LRSAM1: variants seen among roughly 807,000 people sequenced by gnomAD.
LRSAM1 encodes leucine rich repeat and sterile alpha motif containing 1.
Under a neutral mutation model 118.1 loss-of-function variants are expected in LRSAM1, and 96 were observed. The ratio of observed to expected loss-of-function variants is 0.81; its 90% CI spans 0.69 to 0.96. The LOEUF (loss-of-function observed/expected upper bound fraction) is 0.96, where lower values mean the gene tolerates loss of function less well. Ranked by LOEUF, LRSAM1 falls within the 40% of genes least tolerant of loss-of-function variation. The pLI is 0.00. For synonymous variants in LRSAM1, 322 were observed against 364.2 expected, an observed-to-expected ratio of 0.88 and a Z score of 1.32; for missense variants, 804 against 915.5, an observed-to-expected ratio of 0.88 and a Z score of 1.57.
chr9:127,468,810 CAA>C (rs1185949155), intron 10 of LRSAM1, among the ~76,000 whole-genome samples: 4 of 16,444 alleles, frequency 2.4e-4, no homozygotes, highest in African/African-American at 7.0e-4. Context: ...CCTGTCTCTA[CAA>C]AAAAAAAAAA....
At chr9:127,472,001 G>A (rs144394245) in intron 10 of LRSAM1, among the ~76,000 whole-genome samples, 403 of 150,674 alleles carry the variant, frequency 2.7e-3, no homozygotes, top group African/African-American at 8.9e-3. Context: ...TCTCACTGTC[G>A]CCCAGGCTGG....
chr9:127,453,050 TA>T (rs1434034521), intron 2 of LRSAM1, among the ~76,000 whole-genome samples: 2 of 152,216 alleles, frequency 1.3e-5, no homozygotes, highest in African/African-American at 4.8e-5. Context: ...CCACTGAACT[TA>T]ATAAGCATCT....
At chr9:127,477,352 CTA>C (rs1046807041) in intron 11 of LRSAM1, among the ~76,000 whole-genome samples, 1 of 152,114 alleles carries the variant, frequency 6.6e-6, no homozygotes, top group Non-Finnish European at 1.5e-5. Context: ...AATTATATTC[CTA>C]CCATTAGTAT....
chr9:127,477,871 A>G (rs2132058175), intron 11 of LRSAM1, among the ~76,000 whole-genome samples: 1 of 152,172 alleles, frequency 6.6e-6, no homozygotes, highest in South Asian at 2.1e-4. Context: ...AATATGGTGA[A>G]ACCCTGTCTC....
intron 9 of LRSAM1, among the ~76,000 whole-genome samples, chr9:127,463,348 G>A (rs2132017488): frequency 6.6e-6 from 1 of 152,196 alleles, no homozygotes; most frequent in South Asian, 2.1e-4. Flanking sequence ...GTGATATGGG[G>A]CCCAGAAAGC....
chr9:127,496,245 C>G (rs541954009), intron 23 of LRSAM1, 150 bp downstream of exon 23: 5 of 1,164,480 alleles, frequency 4.3e-6, no homozygotes, highest in Non-Finnish European at 6.0e-6. Context: ...GGCCAGAACA[C>G]CTGCCCATCT....
intron 13 of LRSAM1, 147 bp downstream of exon 13, chr9:127,479,652 C>T (rs1315952080): frequency 8.0e-6 from 11 of 1,373,374 alleles, no homozygotes; most frequent in East Asian, 2.5e-5. Context: ...AGGGCCCTTA[C>T]AGATCACCCA....
chr9:127,495,841 G>C, intron 22 of LRSAM1, 123 bp from the exon 23 acceptor site: 1 of 1,442,498 alleles, frequency 6.9e-7, no homozygotes, highest in African/African-American at 1.4e-5. Context: ...ATGAGTTTTT[G>C]TAGGAAAAAT....
Position 127,485,843 on chromosome 9 carries a change from A to G in LRSAM1, c.1259+8A>G. On this transcript the variant is annotated splice_region_variant and intron_variant, in intron 17 of 25. Transcript: ENST00000300417. ...CCAGCAGGCCTGTTCCAGGTAAGGT[A>G]AGGAAGAGGAGTCCCAGGTGAGGGA... 1 of 1,613,652 alleles carries G rather than the reference A, an allele frequency of 6.2e-7. No individual in the cohort carries two copies. The highest frequency in any genetic ancestry group is 8.5e-7 in the Non-Finnish European group (1 of 1,179,660).
In LRSAM1 at chr9:127,482,958, T is replaced by C; in HGVS notation, c.1097T>C (p.Met366Thr). 2.6e-6 allele frequency: 4 copies of C among 1,558,922 alleles called. No individual in the cohort carries two copies. Among genetic ancestry groups the C allele is most frequent in the Non-Finnish European group, 3.5e-6 (4 of 1,150,990 alleles). The change falls in exon 16 of 26, where the codon ATG (methionine) becomes ACG (threonine). Residue 366 changes from methionine (M) to threonine (T), a missense_variant. Coordinates refer to ENST00000300417, the MANE Select transcript of LRSAM1 (RefSeq NM_001005373.4). ...GATGGATTTTTTTCTAGAATAAGAA[T>C]GGAACAGTTGATGTCCATAACCCAG... ...LKSLENERIR[M>T]EQLMSITQEE...
chr9:127,465,243 C>T lies in LRSAM1; in HGVS notation c.529-2497C>T, dbSNP rs1438310229. 6.6e-6 allele frequency among the ~76,000 whole-genome samples: 1 copy of T among 152,178 alleles called. No individual in the cohort carries two copies. The highest frequency in any genetic ancestry group is 1.5e-5 in the Non-Finnish European group (1 of 68,040). On this transcript the variant is annotated intron_variant, in intron 9 of 25. Coordinates refer to ENST00000300417, the MANE Select transcript of LRSAM1 (RefSeq NM_001005373.4). The surrounding 1 kb of genome is among the most constrained non-coding windows in gnomAD (Gnocchi z 4.1). ...GGCGGTGTCTTTGGCACAGCAATGT[C>T]CAGTCACTGCTCCTGCTGCCCACGA... is the stretch of plus-strand genomic sequence containing the variant.
At chr9:127,463,198 CA>C (rs35181083) in intron 9 of LRSAM1, among the ~76,000 whole-genome samples, 44,371 of 98,726 alleles carry the variant, frequency 0.45, 7,980 homozygotes, top group Middle Eastern at 0.54. Context: ...GACTTTGTCT[CA>C]AAAAAAAAAA....
At chr9:127,481,409 C>A (rs1344429641) in intron 15 of LRSAM1, among the ~76,000 whole-genome samples, 182 bp downstream of exon 15, 2 of 152,020 alleles carry the variant, frequency 1.3e-5, no homozygotes, top group Admixed American at 1.3e-4. Context: ...CATACCACCA[C>A]CAGCTAATTT....
chr9:127,458,846 G>A (rs1834626338), intron 6 of LRSAM1, among the ~76,000 whole-genome samples, 157 bp from the exon 7 acceptor site: 1 of 152,208 alleles, frequency 6.6e-6, no homozygotes, highest in East Asian at 1.9e-4. Context: ...GAAGGAAAAT[G>A]AGGCGGGAAT....
At position 127,452,031 on chromosome 9, in the gene LRSAM1, C is replaced by G. The variant is rs780574219; in HGVS notation, c.-86C>G. Reference sequence around the variant, plus strand: ...AAGCCCTCCGAGTGATCGGCCTGCCCTCGGGTGCACCCGCGGGTCCCAACG... The same window carrying G: ...AAGCCCTCCGAGTGATCGGCCTGCCGTCGGGTGCACCCGCGGGTCCCAACG... On this transcript the variant is annotated 5_prime_UTR_variant, in exon 2 of 26. Coordinates refer to ENST00000300417, the MANE Select transcript of LRSAM1 (RefSeq NM_001005373.4). The G allele has an allele frequency of 2.6e-5, 4 of 152,246 alleles. No homozygotes were observed. Among genetic ancestry groups the G allele is most frequent in the Non-Finnish European group, 4.4e-5 (3 of 68,070 alleles). The allele number at this position is 152,246 out of a possible 1,614,324, so 9.4% of individuals were successfully genotyped here. A position where few individuals can be genotyped will look rare whatever the true frequency, so the allele number is the denominator to read the frequency against.
chr9:127,483,109 G>A, intron 16 of LRSAM1, 89 bp downstream of exon 16: 1 of 1,224,562 alleles, frequency 8.2e-7, no homozygotes, highest in Non-Finnish European at 1.2e-6. Flanking sequence ...GCCATGCATG[G>A]AGGGCCCTGA....
rs567199721 is a variant in LRSAM1 at position 127,478,858 on chromosome 9, G to A, written c.751-76G>A. On this transcript the variant is annotated intron_variant, in intron 11 of 25. Coordinates refer to ENST00000300417, the MANE Select transcript of LRSAM1 (RefSeq NM_001005373.4). ...GAGTTTGTATAACATCAGGCCACCCGGGGGTTCCTGGTGCCCATGCCAGGG... is the reference window on the plus strand; with the variant it reads ...GAGTTTGTATAACATCAGGCCACCCAGGGGTTCCTGGTGCCCATGCCAGGG... The A allele has an allele frequency of 1.4e-4, 209 of 1,479,076 alleles. No homozygotes were observed. The African/African-American group carries it at 2.2e-3, about 15-fold the overall frequency. The allele number at this position is 1,479,076 out of a possible 1,614,324, so 91.6% of individuals were successfully genotyped here. A position where few individuals can be genotyped will look rare whatever the true frequency, so the allele number is the denominator to read the frequency against.
chr9:127,479,253 G>C (rs1045422468), intron 12 of LRSAM1, 130 bp from the exon 13 acceptor site: 2 of 1,340,176 alleles, frequency 1.5e-6, no homozygotes, highest in African/African-American at 1.4e-5. Context: ...GCCCTGGAGG[G>C]GAGTGGGGGT....
chr9:127,486,062 A>G (rs1357237921), intron 17 of LRSAM1, among the ~76,000 whole-genome samples: 1 of 152,186 alleles, frequency 6.6e-6, no homozygotes, highest in Non-Finnish European at 1.5e-5. Context: ...TTTCTTGTGC[A>G]CTTCCTGTGT....
Sources: allele counts gnomAD v4.1 joint callset (sites outside exome capture counted in the v4.1 genomes callset), GRCh38; gene constraint gnomAD v4.1.1; non-coding constraint Gnocchi (gnomAD v3.1); transcripts MANE v1.5; gene names NCBI Gene and HGNC (gene_info 2026-07-23, HGNC 2026-07-21).